Variants in RPS6KB1 observed in about 807,000 individuals in gnomAD.
RPS6KB1 encodes the protein ribosomal protein S6 kinase beta-1.
Under a neutral mutation model 70.2 loss-of-function variants are expected in RPS6KB1, and 12 were observed. The ratio of observed to expected loss-of-function variants is 0.17; its 90% CI spans 0.11 to 0.28. The LOEUF (loss-of-function observed/expected upper bound fraction) is 0.28. RPS6KB1 is among the 10% of genes least tolerant of loss of function. The pLI is 1.00. For synonymous variants in RPS6KB1, 175 were observed against 211.2 expected, an observed-to-expected ratio of 0.83 and a Z score of 1.49; for missense variants, 270 against 646.6, an observed-to-expected ratio of 0.42 and a Z score of 6.32.
At position 59,950,165 on chromosome 17, in the gene RPS6KB1, G is replaced by A. The variant is rs2045136623; in HGVS notation, c.*3377G>A. ...TGTGATTCTTAACATTATAGCACAAGTATTATCTCAGTGGATTATCCGGAA... is the reference window on the plus strand; with the variant it reads ...TGTGATTCTTAACATTATAGCACAAATATTATCTCAGTGGATTATCCGGAA... On this transcript the variant is annotated 3_prime_UTR_variant, in exon 15 of 15. Coordinates refer to ENST00000225577, the MANE Select transcript of RPS6KB1 (RefSeq NM_003161.4). 1 of 152,508 alleles carries A rather than the reference G, an allele frequency of 6.6e-6. No individual in the cohort carries two copies. The highest frequency in any genetic ancestry group is 1.5e-5 in the Non-Finnish European group (1 of 67,944). The allele number at this position is 152,508 out of a possible 1,614,324, so 9.4% of individuals were successfully genotyped here. A position where few individuals can be genotyped will look rare whatever the true frequency, so the allele number is the denominator to read the frequency against.
In RPS6KB1 at chr17:59,930,109, C is replaced by G. The variant is rs1478288634; in HGVS notation, c.530-8C>G. On this transcript the variant is annotated splice_region_variant and splice_polypyrimidine_tract_variant and intron_variant, in intron 5 of 14. Coordinates refer to ENST00000225577, the MANE Select transcript of RPS6KB1 (RefSeq NM_003161.4). ...TTTATTTATAATGTTTTTTCTTTTT[C>G]TTTACAGGAGGAGAACTATTTATGC... is the stretch of plus-strand genomic sequence containing the variant. 1.5e-6 allele frequency: 2 copies of G among 1,319,092 alleles called. No individual in the cohort carries two copies. Among genetic ancestry groups the G allele is most frequent in the East Asian group, 2.3e-5 (1 of 43,520 alleles). 81.7% of individuals were successfully genotyped at this position (1,319,092 alleles called of 1,614,324 possible).
chr17:59,944,624 C>T (rs1268190441), intron 13 of RPS6KB1, among the ~76,000 whole-genome samples: 4 of 151,904 alleles, frequency 2.6e-5, no homozygotes, highest in Admixed American at 1.3e-4. Flanking sequence ...CAATCATTGG[C>T]GTAAAACCAG....
chr17:59,916,437 C>G (rs539107674), intron 4 of RPS6KB1, among the ~76,000 whole-genome samples: 1 of 152,278 alleles, frequency 6.6e-6, no homozygotes, highest in South Asian at 2.1e-4. Flanking sequence ...GGATTTGTTT[C>G]TTGTTTACTT....
intron 1 of RPS6KB1, among the ~76,000 whole-genome samples, chr17:59,901,060 C>G (rs1227748216): frequency 6.6e-6 from 1 of 151,778 alleles, no homozygotes; most frequent in African/African-American, 2.4e-5. Context: ...ACTTGGGAGA[C>G]TGAGGCAGGA....
At chr17:59,909,284 T>C (rs2042476000) in intron 1 of RPS6KB1, among the ~76,000 whole-genome samples, 1 of 82,764 alleles carries the variant, frequency 1.2e-5, no homozygotes, top group Non-Finnish European at 2.1e-5. Flanking sequence ...TTTTTTTTTT[T>C]TGAGATGGAG....
chr17:59,915,470 A>G (rs1048158018), intron 4 of RPS6KB1, among the ~76,000 whole-genome samples: 8 of 150,714 alleles, frequency 5.3e-5, no homozygotes, highest in East Asian at 2.0e-4. Context: ...ATGTACTGCC[A>G]TCTCTTTTTT....
intron 10 of RPS6KB1, 80 bp from the exon 11 acceptor site, chr17:59,936,135 A>T: frequency 7.8e-7 from 1 of 1,288,608 alleles, no homozygotes; most frequent in Non-Finnish European, 1.1e-6. Flanking sequence ...AAGCCAAAGT[A>T]GACAAGCACA....
intron 12 of RPS6KB1, among the ~76,000 whole-genome samples, chr17:59,940,528 C>T (rs1423949045): frequency 2.0e-5 from 3 of 151,888 alleles, no homozygotes; most frequent in East Asian, 1.9e-4. Context: ...CCTCATGATC[C>T]GCCTGCCTCA....
intron 1 of RPS6KB1, among the ~76,000 whole-genome samples, chr17:59,899,808 T>C (rs904201000): frequency 6.6e-6 from 1 of 152,106 alleles, no homozygotes; most frequent in Non-Finnish European, 1.5e-5. Flanking sequence ...GGTCACACCA[T>C]GAGTGAGTTA....
At chr17:59,928,501 C>A (rs544024249) in intron 5 of RPS6KB1, among the ~76,000 whole-genome samples, 1 of 151,930 alleles carries the variant, frequency 6.6e-6, no homozygotes, top group African/African-American at 2.4e-5. Flanking sequence ...AGGCACCCAC[C>A]ACCACGCCCA....
Position 59,950,492 on chromosome 17 carries a change from A to G in RPS6KB1, c.*3704A>G, listed in dbSNP as rs1255086311. The G allele has an allele frequency of 8.4e-6, 1 of 119,582 alleles. No individual in the cohort carries two copies. Among genetic ancestry groups the G allele is most frequent in the Non-Finnish European group, 1.7e-5 (1 of 58,250 alleles). The allele number at this position is 119,582 out of a possible 1,614,324, so 7.4% of individuals were successfully genotyped here. ...GAATTAGTATACGTATCAGGTGTAT[A>G]AATGGTTTAAATTTATTTTAACATG... On this transcript the variant is annotated 3_prime_UTR_variant, in exon 15 of 15. Transcript: ENST00000225577.
rs34530239 is a variant in RPS6KB1 at position 59,941,319 on chromosome 17, C to CTT, written c.1227+394_1227+395dup. 2.2e-3 allele frequency among the ~76,000 whole-genome samples: 281 copies of CTT among 125,012 alleles called. 1 individual carries two copies. Among genetic ancestry groups the CTT allele is most frequent in the African/African-American group, 6.7e-3 (228 of 34,040 alleles). The allele number at this position is 125,012 out of a possible 152,430, so 82.0% of individuals were successfully genotyped here. On this transcript the variant is annotated intron_variant, in intron 13 of 14. Coordinates refer to ENST00000225577, the MANE Select transcript of RPS6KB1 (RefSeq NM_003161.4). ...CTGAAACAGCTATAGATTTTTGGTACTTTTTTTTTTTTTTTTTTTGAGACA... is the reference window on the plus strand; with the variant it reads ...CTGAAACAGCTATAGATTTTTGGTACTTTTTTTTTTTTTTTTTTTTTGAGACA...
chr17:59,940,398 T>A (rs2044508605), intron 12 of RPS6KB1, among the ~76,000 whole-genome samples: 1 of 149,884 alleles, frequency 6.7e-6, no homozygotes, highest in Non-Finnish European at 1.5e-5. Flanking sequence ...GCAATTCTCC[T>A]GCCTCATCCT....
chr17:59,932,578 G>T (rs1345068061), intron 7 of RPS6KB1, among the ~76,000 whole-genome samples: 3 of 149,566 alleles, frequency 2.0e-5, no homozygotes, highest in Admixed American at 6.6e-5. Context: ...TGAGATGGGG[G>T]TCTCACTCTG....
chr17:59,917,425 T>G (rs1165700615), intron 4 of RPS6KB1, among the ~76,000 whole-genome samples: 1 of 152,098 alleles, frequency 6.6e-6, no homozygotes, highest in Non-Finnish European at 1.5e-5. Flanking sequence ...CCGGCCTATT[T>G]AATTAAATTA....
At chr17:59,917,650 C>T (rs1170206946) in intron 4 of RPS6KB1, among the ~76,000 whole-genome samples, 2 of 152,290 alleles carry the variant, frequency 1.3e-5, no homozygotes, top group East Asian at 1.9e-4. Flanking sequence ...GTTTCCCCGG[C>T]TGGCCTGGAA....
intron 7 of RPS6KB1, among the ~76,000 whole-genome samples, chr17:59,932,458 G>C (rs1254858501): frequency 2.0e-5 from 3 of 151,828 alleles, no homozygotes; most frequent in Non-Finnish European, 4.4e-5. Context: ...GCTTCTTACA[G>C]TAGGTTTTAT....
In RPS6KB1 at chr17:59,911,856, A is replaced by G. The variant is rs2042663454; in HGVS notation, c.192-828A>G. Among the ~76,000 whole-genome samples the G allele has an allele frequency of 2.0e-5, 3 of 151,794 alleles. 1 individual carries two copies. In the South Asian group the frequency reaches 6.3e-4, roughly 32 times the overall value. On this transcript the variant is annotated intron_variant, in intron 2 of 14. Coordinates refer to ENST00000225577, the MANE Select transcript of RPS6KB1 (RefSeq NM_003161.4). Reference sequence around the variant, plus strand: ...AGTGATCCGCCCACCTCAGCCTCCCAAAGTGCTGGGATTACAGGCATGAGC... The same window carrying G: ...AGTGATCCGCCCACCTCAGCCTCCCGAAGTGCTGGGATTACAGGCATGAGC...
intron 12 of RPS6KB1, among the ~76,000 whole-genome samples, chr17:59,936,934 A>G (rs182175763): frequency 5.7e-4 from 87 of 152,254 alleles, no homozygotes; most frequent in African/African-American, 1.9e-3. Context: ...TCACAGTTCA[A>G]TGCAGCCTTG....
Sources: gnomAD v4.1 joint callset for allele counts (sites outside exome capture counted in the v4.1 genomes callset) on GRCh38, gnomAD v4.1.1 for gene constraint, MANE v1.5 for transcripts, NCBI Gene and HGNC (gene_info 2026-07-23, HGNC 2026-07-21) for gene names.